The following KCNAB2 variants were observed in gnomAD, a reference collection of about 807,000 sequenced individuals.
KCNAB2 encodes voltage-gated potassium channel subunit beta-2.
Under a neutral mutation model 63.6 loss-of-function variants are expected in KCNAB2, and 29 were observed. The ratio of observed to expected loss-of-function variants is 0.46; its 90% CI spans 0.34 to 0.62. KCNAB2 has a LOEUF of 0.62. KCNAB2 is among the 20% of genes least tolerant of loss of function. The pLI, the probability that KCNAB2 is intolerant of heterozygous loss-of-function variation, is 0.01. For missense variants in KCNAB2, 359 were observed against 563.9 expected, an observed-to-expected ratio of 0.64 and a Z score of 3.68; for synonymous variants, 222 against 224.2, an observed-to-expected ratio of 0.99 and a Z score of 0.09.
At chr1:6,040,056 G>T (rs1660369866) in intron 1 of KCNAB2, among the ~76,000 whole-genome samples, 1 of 152,270 alleles carries the variant, frequency 6.6e-6, no homozygotes, top group African/African-American at 2.4e-5. Flanking sequence ...GGCAGCACCA[G>T]GAAGCTGCAC....
intron 15 of KCNAB2, 55 bp from the exon 16 acceptor site, chr1:6,098,430 A>C: frequency 6.2e-7 from 1 of 1,604,942 alleles, no homozygotes; most frequent in Non-Finnish European, 8.5e-7. Context: ...CCTCCTCCCC[A>C]GGCCAGGCCC....
chr1:6,015,800 G>T (rs938486829), intron 1 of KCNAB2, among the ~76,000 whole-genome samples: 2 of 152,086 alleles, frequency 1.3e-5, no homozygotes, highest in South Asian at 2.1e-4. Flanking sequence ...CACCTCCCCG[G>T]GCTCAAGTGA....
chr1:6,013,083 G>A (rs1249094040), intron 1 of KCNAB2, among the ~76,000 whole-genome samples: 1 of 152,094 alleles, frequency 6.6e-6, no homozygotes, highest in African/African-American at 2.4e-5. Context: ...TGCTCTGCTT[G>A]GCTTCAGCCT....
At chr1:6,004,186 G>T (rs1391060325) in intron 1 of KCNAB2, among the ~76,000 whole-genome samples, 1 of 151,788 alleles carries the variant, frequency 6.6e-6, no homozygotes, top group Non-Finnish European at 1.5e-5. Flanking sequence ...ACAAAAGAAG[G>T]TTGTTTGTCT....
Position 6,079,270 on chromosome 1 carries a change from C to T in KCNAB2, c.301-2925C>T, listed in dbSNP as rs376742413. 1.7e-4 allele frequency among the ~76,000 whole-genome samples: 26 copies of T among 152,220 alleles called. No homozygotes were observed. In the South Asian group the frequency reaches 3.5e-3, roughly 21 times the overall value. ...CCTTCAAAACCCAGTCTTTGTCGGC[C>T]GCACTTTGGGAGGCTGAGGCGGGCA... On this transcript the variant is annotated intron_variant, in intron 4 of 15. Transcript: ENST00000378083.
chr1:6,064,928 A>G (rs569064003), intron 2 of KCNAB2, among the ~76,000 whole-genome samples: 1 of 152,288 alleles, frequency 6.6e-6, no homozygotes, highest in East Asian at 1.9e-4. Flanking sequence ...CTGATTGCAG[A>G]GTATGTATTG....
intron 5 of KCNAB2, among the ~76,000 whole-genome samples, chr1:6,084,611 T>C (rs143013586): frequency 1.3e-5 from 2 of 151,928 alleles, no homozygotes; most frequent in South Asian, 2.1e-4. Context: ...AGATGAGGAG[T>C]TCGAGACCAG....
At chr1:6,091,828 G>C (rs761076766) in intron 10 of KCNAB2, among the ~76,000 whole-genome samples, 3 of 152,146 alleles carry the variant, frequency 2.0e-5, no homozygotes, top group Non-Finnish European at 2.9e-5. Flanking sequence ...GCTGCTCCTC[G>C]GACGGCATGC....
At chr1:6,085,879 G>A (rs916338394) in intron 6 of KCNAB2, 30 of 986,814 alleles carry the variant, frequency 3.0e-5, no homozygotes, top group Middle Eastern at 5.2e-4. Flanking sequence ...AGGGCGGGAC[G>A]TGTCACACTC....
intron 1 of KCNAB2, among the ~76,000 whole-genome samples, chr1:5,996,348 C>T (rs146756484): frequency 1.8e-3 from 275 of 152,320 alleles, no homozygotes; most frequent in African/African-American, 6.4e-3. Context: ...GAAGGCCAGC[C>T]TCCCTCTTCC....
intron 1 of KCNAB2, chr1:6,018,978 TGGTTTTCTTTCGTTTAA>T (rs1658670163): frequency 6.6e-6 from 1 of 152,234 alleles, no homozygotes; most frequent in Admixed American, 6.5e-5. Flanking sequence ...ATTCTTCTTT[TGGTTTTCTTTCGTTTAA>T]AACTGTAAAA....
In KCNAB2 at chr1:6,074,954, G is replaced by GA. The variant is rs34852966; in HGVS notation, c.300+1199dup. ...AGGCCGTAGAGTAAGACTCTGTCTCGAAAAAAAAAAAAAAAGACAATAGCT... is the reference window on the plus strand; with the variant it reads ...AGGCCGTAGAGTAAGACTCTGTCTCGAAAAAAAAAAAAAAAAGACAATAGCT... On this transcript the variant is annotated intron_variant, in intron 4 of 15. Coordinates refer to ENST00000378083, the MANE Select transcript of KCNAB2 (RefSeq NM_001199862.2). The surrounding 1 kb of genome is among the most constrained non-coding windows in gnomAD (Gnocchi z 4.9). 0.34 allele frequency among the ~76,000 whole-genome samples: 45,670 copies of GA among 135,816 alleles called. 8,743 individuals carry two copies. Among genetic ancestry groups the GA allele is most frequent in the African/African-American group, 0.55 (20,412 of 37,000 alleles). 89.1% of individuals were successfully genotyped at this position (135,816 alleles called of 152,430 possible).
chr1:5,997,167 C>T (rs892630977), intron 1 of KCNAB2, among the ~76,000 whole-genome samples: 1 of 152,194 alleles, frequency 6.6e-6, no homozygotes. Flanking sequence ...CAGCCACCAT[C>T]CTGCCTGGAG....
At chr1:6,010,740 G>A (rs1270190878) in intron 1 of KCNAB2, among the ~76,000 whole-genome samples, 4 of 152,250 alleles carry the variant, frequency 2.6e-5, no homozygotes. Flanking sequence ...CCCCTTAGCT[G>A]ATGGGCAGGC....
chr1:6,098,308 A>G (rs1183046785), intron 15 of KCNAB2, 177 bp from the exon 16 acceptor site: 1 of 1,422,198 alleles, frequency 7.0e-7, no homozygotes, highest in Non-Finnish European at 9.2e-7. Context: ...TCTCTGCCCC[A>G]AACCTTCTGA....
intron 1 of KCNAB2, among the ~76,000 whole-genome samples, chr1:6,017,794 A>G (rs1364789472): frequency 6.6e-6 from 1 of 152,074 alleles, no homozygotes; most frequent in Non-Finnish European, 1.5e-5. Context: ...GTCTCAAAAA[A>G]AAAAAAAAAC....
upstream of KCNAB2, among the ~76,000 whole-genome samples, chr1:6,030,736 TTATGTGTGTA>T (rs1213435031): frequency 6.7e-6 from 1 of 149,036 alleles, no homozygotes; most frequent in Non-Finnish European, 1.5e-5. Flanking sequence ...TTATGTGTGT[TTATGTGTGTA>T]TATGTGTGTA....
At chr1:6,027,433 A>C (rs913669160) in intron 1 of KCNAB2, 1 of 152,230 alleles carries the variant, frequency 6.6e-6, no homozygotes, top group African/African-American at 2.4e-5. Flanking sequence ...TCTGTGCAGC[A>C]CTGGGGTACC....
chr1:6,058,347 C>G (rs917505374), intron 2 of KCNAB2, among the ~76,000 whole-genome samples: 29 of 152,204 alleles, frequency 1.9e-4, no homozygotes, highest in African/African-American at 6.3e-4. Context: ...AGGATTGACT[C>G]AACACCTTGA....
Sources: gnomAD v4.1 joint callset for allele counts (sites outside exome capture counted in the v4.1 genomes callset) on GRCh38, gnomAD v4.1.1 for gene constraint, Gnocchi (gnomAD v3.1) non-coding constraint, MANE v1.5 for transcripts, NCBI Gene and HGNC (gene_info 2026-07-23, HGNC 2026-07-21) for gene names.